The following LNX1 variants were observed in gnomAD, a reference collection of about 807,000 sequenced individuals.
The protein encoded by LNX1 is ligand of numb-protein X 1, also known as E3 ubiquitin-protein ligase LNX.
A neutral mutation model predicts 68.4 loss-of-function variants in LNX1; 54 were observed. The ratio of observed to expected loss-of-function variants is 0.79; its 90% CI spans 0.63 to 0.99. LNX1 has a LOEUF of 0.99. LNX1 is among the 50% of genes least tolerant of loss of function. The probability of loss-of-function intolerance (pLI) is 0.00; values close to 1 mark genes in which losing one functional copy is unlikely to be tolerated. For missense variants in LNX1, 906 were observed against 926.4 expected (o/e 0.98, Z 0.29); for synonymous variants, 336 against 350.0 (o/e 0.96, Z 0.45).
chr4:53,591,530 A>C (rs932587172), upstream of LNX1: 7 of 985,312 alleles, frequency 7.1e-6, no homozygotes, highest in Non-Finnish European at 7.2e-6. Context: ...AGGAAGGAGG[A>C]CGGCATTGGT....
chr4:53,562,528 C>G (rs529779811), intron 2 of LNX1, among the ~76,000 whole-genome samples: 3 of 152,302 alleles, frequency 2.0e-5, no homozygotes, highest in South Asian at 4.1e-4. Flanking sequence ...ATGTTTTGCT[C>G]AAGTATTTAT....
At chr4:53,595,519 G>A (rs80327624), upstream of LNX1, among the ~76,000 whole-genome samples, 3 of 152,124 alleles carry the variant, frequency 2.0e-5, no homozygotes, top group Non-Finnish European at 4.4e-5. Context: ...ATGCCATTTC[G>A]GCAACCACAT....
At chr4:53,514,321 G>A (rs1384588164) in intron 2 of LNX1, among the ~76,000 whole-genome samples, 6 of 152,324 alleles carry the variant, frequency 3.9e-5, no homozygotes, top group East Asian at 1.9e-4. Context: ...GCATGGGGTT[G>A]TATTAGTCCA....
chr4:53,557,691 C>T (rs1006197742), intron 2 of LNX1, among the ~76,000 whole-genome samples: 3 of 150,402 alleles, frequency 2.0e-5, no homozygotes, highest in East Asian at 2.0e-4. Flanking sequence ...TAATATGGGG[C>T]TTTTTTGTTA....
chr4:53,518,959 C>T (rs1182327469), intron 2 of LNX1, among the ~76,000 whole-genome samples: 1 of 152,210 alleles, frequency 6.6e-6, no homozygotes, highest in Non-Finnish European at 1.5e-5. Flanking sequence ...ACGGGGTTGG[C>T]ATCTTCAGCC....
At chr4:53,578,776 T>G (rs1175313298) in intron 1 of LNX1, among the ~76,000 whole-genome samples, 1 of 152,218 alleles carries the variant, frequency 6.6e-6, no homozygotes, top group South Asian at 2.1e-4. Flanking sequence ...ACCAAATTCT[T>G]AATATTATGT....
intron 2 of LNX1, among the ~76,000 whole-genome samples, chr4:53,544,510 C>G (rs1054970866): frequency 2.6e-5 from 4 of 152,102 alleles, no homozygotes; most frequent in Non-Finnish European, 2.9e-5. Flanking sequence ...GTGCTGATTT[C>G]TTTTGTGATG....
At chr4:53,603,664 G>T (rs1183186999) in intron 2 of LNX1, 2 of 152,338 alleles carry the variant, frequency 1.3e-5, no homozygotes, top group African/African-American at 4.8e-5. Context: ...GAGGCGCGGG[G>T]AGAGGTTTTA....
At chr4:53,495,689 C>A (rs1243080149) in intron 6 of LNX1, among the ~76,000 whole-genome samples, 5 of 152,054 alleles carry the variant, frequency 3.3e-5, no homozygotes, top group Admixed American at 3.3e-4. Context: ...ATTACAGGCA[C>A]CTGCCACCAC....
intron 6 of LNX1, 146 bp from the exon 7 acceptor site, chr4:53,482,000 C>T: frequency 9.7e-7 from 1 of 1,027,752 alleles, no homozygotes; most frequent in Non-Finnish European, 1.4e-6. Context: ...TTGTTACTAT[C>T]CATCTTGTAA....
chr4:53,459,318 C>T lies in LNX1; in HGVS notation c.*1589G>A. ...TTTTTCCAGTAATAGTAGACGTCGC[C>T]ATGAAAGTGAAGAAGGAGATAGTCA... On this transcript the variant is annotated 3_prime_UTR_variant, in exon 11 of 11. Transcript: ENST00000263925. The T allele has an allele frequency of 6.3e-7, 1 of 1,584,374 alleles. No individual in the cohort carries two copies. The highest frequency in any genetic ancestry group is 1.1e-5 in the South Asian group (1 of 88,418).
intron 9 of LNX1, among the ~76,000 whole-genome samples, chr4:53,470,046 A>C (rs922114013): frequency 9.2e-5 from 14 of 152,202 alleles, no homozygotes; most frequent in African/African-American, 3.4e-4. Flanking sequence ...AAAAAAAGAG[A>C]ATTTGAGACC....
At chr4:53,495,906 A>T in intron 6 of LNX1, 117 bp downstream of exon 6, 1 of 1,238,740 alleles carries the variant, frequency 8.1e-7, no homozygotes, top group South Asian at 1.4e-5. Flanking sequence ...TGACTCCTTG[A>T]AAGGGAGGCA....
chr4:53,610,883 C>G (rs1277580648), intron 2 of LNX1, among the ~76,000 whole-genome samples: 2 of 151,654 alleles, frequency 1.3e-5, no homozygotes, highest in Non-Finnish European at 2.9e-5. Context: ...CATCTAAACT[C>G]TATACATGTC....
At chr4:53,490,820 A>C (rs1724629368) in intron 6 of LNX1, among the ~76,000 whole-genome samples, 1 of 152,244 alleles carries the variant, frequency 6.6e-6, no homozygotes. Context: ...AATATCACAT[A>C]AATAAAATCC....
chr4:53,519,946 C>T (rs1029130157), intron 2 of LNX1, among the ~76,000 whole-genome samples: 6 of 152,174 alleles, frequency 3.9e-5, no homozygotes, highest in African/African-American at 7.2e-5. Context: ...CAAGGCAAAC[C>T]GATGTGCTGG....
chr4:53,582,706 TTTG>T (rs1731910303), intron 1 of LNX1, among the ~76,000 whole-genome samples: 1 of 152,182 alleles, frequency 6.6e-6, no homozygotes, highest in East Asian at 1.9e-4. Context: ...CTTAAGATTT[TTTG>T]TTTTTTTGTT....
At chr4:53,464,212 G>T (rs1257043320) in intron 9 of LNX1, among the ~76,000 whole-genome samples, 2 of 151,928 alleles carry the variant, frequency 1.3e-5, no homozygotes, top group Non-Finnish European at 2.9e-5. Flanking sequence ...TAACTTCCTG[G>T]CCCCAATTTA....
chr4:53,592,587 AT>A (rs1376184630), upstream of LNX1, among the ~76,000 whole-genome samples: 5 of 152,038 alleles, frequency 3.3e-5, no homozygotes, highest in Admixed American at 6.6e-5. Flanking sequence ...CCCAGAGAGA[AT>A]TTTTTTTCCC....
Sources: allele counts gnomAD v4.1 joint callset (sites outside exome capture counted in the v4.1 genomes callset), GRCh38; gene constraint gnomAD v4.1.1; transcripts MANE v1.5; gene names NCBI Gene and HGNC (gene_info 2026-07-23, HGNC 2026-07-21).